Variants in KIF21A observed in about 807,000 individuals in gnomAD.
KIF21A encodes the protein kinesin family member 21A.
A neutral mutation model predicts 202.9 loss-of-function variants in KIF21A; 114 were observed. The observed-to-expected ratio is 0.56, with a 90% confidence interval of 0.48 to 0.66. The LOEUF is 0.66. KIF21A is among the 30% of genes least tolerant of loss of function. The pLI is 0.00. For synonymous variants in KIF21A, 667 were observed against 670.8 expected, an observed-to-expected ratio of 0.99 and a Z score of 0.09; for missense variants, 1,677 against 1,994.9, an observed-to-expected ratio of 0.84 and a Z score of 3.04.
intron 24 of KIF21A, among the ~76,000 whole-genome samples, chr12:39,329,772 G>C (rs1450252689): frequency 6.6e-6 from 1 of 151,974 alleles, no homozygotes; most frequent in Non-Finnish European, 1.5e-5. Context: ...GTTTTGTTCA[G>C]TTTACAATAT....
chr12:39,321,809 T>C (rs1945293712), intron 27 of KIF21A: 1 of 152,180 alleles, frequency 6.6e-6, no homozygotes, highest in South Asian at 2.1e-4. Flanking sequence ...ATGTATTCAT[T>C]CCATAAATTA....
chr12:39,414,579 C>T (rs1352665489), intron 1 of KIF21A, among the ~76,000 whole-genome samples: 1 of 152,134 alleles, frequency 6.6e-6, no homozygotes, highest in Non-Finnish European at 1.5e-5. Flanking sequence ...AGCACCATAA[C>T]TCTGGGAAGA....
intron 1 of KIF21A, among the ~76,000 whole-genome samples, chr12:39,430,251 A>G (rs1345752703): frequency 6.6e-6 from 1 of 151,690 alleles, no homozygotes; most frequent in Non-Finnish European, 1.5e-5. Context: ...GCTTTTTTCC[A>G]TAAGTCATGC....
chr12:39,317,055 C>A (rs1565718878), intron 29 of KIF21A, among the ~76,000 whole-genome samples: 1 of 151,962 alleles, frequency 6.6e-6, no homozygotes, highest in Non-Finnish European at 1.5e-5. Context: ...AATAATTTGA[C>A]AATGTTAAAG....
chr12:39,297,390 T>C (rs1259035236), intron 37 of KIF21A, among the ~76,000 whole-genome samples: 1 of 152,054 alleles, frequency 6.6e-6, no homozygotes, highest in Non-Finnish European at 1.5e-5. Context: ...ATATACACCA[T>C]GGAATACTAT....
intron 1 of KIF21A, among the ~76,000 whole-genome samples, chr12:39,383,513 A>G (rs1158237031): frequency 1.3e-5 from 2 of 152,254 alleles, no homozygotes; most frequent in Non-Finnish European, 2.9e-5. Flanking sequence ...AATTTAACAA[A>G]TAATTTATCG....
intron 1 of KIF21A, among the ~76,000 whole-genome samples, chr12:39,423,915 C>T (rs1208094496): frequency 3.1e-5 from 4 of 127,044 alleles, no homozygotes; most frequent in South Asian, 2.8e-4. Context: ...ACCTGGGAGG[C>T]GGAGGTTGCA....
At chr12:39,361,653 C>T (rs982994818) in intron 7 of KIF21A, among the ~76,000 whole-genome samples, 9 of 148,248 alleles carry the variant, frequency 6.1e-5, no homozygotes, top group Admixed American at 5.4e-4. Flanking sequence ...CTACAGGCGC[C>T]CGCCACCACG....
At chr12:39,416,298 A>C (rs1227076910) in intron 1 of KIF21A, among the ~76,000 whole-genome samples, 8 of 152,114 alleles carry the variant, frequency 5.3e-5, no homozygotes, top group African/African-American at 1.9e-4. Flanking sequence ...AAAATGCTCA[A>C]GTAAAAAAAC....
At chr12:39,388,953 C>T (rs939268745) in intron 1 of KIF21A, among the ~76,000 whole-genome samples, 4 of 151,946 alleles carry the variant, frequency 2.6e-5, no homozygotes, top group Admixed American at 6.6e-5. Flanking sequence ...GGTAAAAATG[C>T]CTTGAATTCT....
At chr12:39,334,835 T>C (rs955600117) in intron 17 of KIF21A, among the ~76,000 whole-genome samples, 4 of 152,232 alleles carry the variant, frequency 2.6e-5, no homozygotes, top group African/African-American at 9.6e-5. Context: ...AGGCATCACA[T>C]GTTATGGAAA....
chr12:39,364,503 C>T (rs939378411), intron 6 of KIF21A, among the ~76,000 whole-genome samples: 1 of 152,212 alleles, frequency 6.6e-6, no homozygotes, highest in Admixed American at 6.5e-5. Context: ...ACCCACATGT[C>T]GGACCATCAA....
At position 39,353,880 on chromosome 12, in the gene KIF21A, C is replaced by G. The variant is rs140410044; in HGVS notation, c.1470-1900G>C. 1.4e-3 allele frequency among the ~76,000 whole-genome samples: 210 copies of G among 152,076 alleles called. 1 individual carries two copies. Among genetic ancestry groups the G allele is most frequent in the African/African-American group, 4.9e-3 (204 of 41,492 alleles). Reference sequence around the variant, plus strand: ...CCCATCTCTTTCTCTCTCTCTCTTCCCGTTCACTCACCCACCCACTTGGTA... The same window carrying G: ...CCCATCTCTTTCTCTCTCTCTCTTCGCGTTCACTCACCCACCCACTTGGTA... On this transcript the variant is annotated intron_variant, in intron 10 of 37. Coordinates refer to ENST00000361418, the MANE Select transcript of KIF21A (RefSeq NM_001173464.2).
intron 31 of KIF21A, among the ~76,000 whole-genome samples, chr12:39,313,033 G>A (rs956212917): frequency 6.6e-6 from 1 of 151,986 alleles, no homozygotes; most frequent in East Asian, 1.9e-4. Context: ...AATAATCTTC[G>A]AGATGCAAGA....
At chr12:39,331,972 A>G (rs1430648668) in intron 21 of KIF21A, 181 bp from the exon 22 acceptor site, 2 of 675,562 alleles carry the variant, frequency 3.0e-6, no homozygotes, top group Admixed American at 2.3e-5. Context: ...ACATTTAAGC[A>G]GTTAAGAATT....
intron 21 of KIF21A, 38 bp from the exon 22 acceptor site, chr12:39,331,829 G>T (rs886067953): frequency 3.4e-6 from 5 of 1,469,506 alleles, no homozygotes; most frequent in Non-Finnish European, 4.8e-6. Flanking sequence ...CCATTACTTT[G>T]AGCTGAAAAC....
At chr12:39,328,451 C>G (rs1946176369) in intron 24 of KIF21A, among the ~76,000 whole-genome samples, 1 of 152,136 alleles carries the variant, frequency 6.6e-6, no homozygotes, top group Non-Finnish European at 1.5e-5. Flanking sequence ...TGTGTCTTTT[C>G]CCTTTATGAA....
At chr12:39,367,859 T>C (rs770969047) in intron 4 of KIF21A, 24 bp downstream of exon 4, 4 of 1,592,018 alleles carry the variant, frequency 2.5e-6, no homozygotes, top group Non-Finnish European at 3.4e-6. Flanking sequence ...CTATGCTCTG[T>C]TTTAACTATA....
chr12:39,366,170 C>G (rs1949590222), intron 6 of KIF21A, among the ~76,000 whole-genome samples, 180 bp downstream of exon 6: 1 of 151,848 alleles, frequency 6.6e-6, no homozygotes, highest in Non-Finnish European at 1.5e-5. Flanking sequence ...TATATAAAAA[C>G]AGAAAAAAGC....
Sources: allele counts gnomAD v4.1 joint callset (sites outside exome capture counted in the v4.1 genomes callset), GRCh38; gene constraint gnomAD v4.1.1; transcripts MANE v1.5; gene names NCBI Gene and HGNC (gene_info 2026-07-23, HGNC 2026-07-21).